The following MICU1 variants were observed in gnomAD, a reference collection of about 807,000 sequenced individuals.
The protein encoded by MICU1 is mitochondrial calcium uptake 1.
Under a neutral mutation model 56.8 loss-of-function variants are expected in MICU1, and 45 were observed. That is an observed-to-expected ratio of 0.79 (90% CI 0.62 to 1.02). The LOEUF is 1.02. Ranked by LOEUF, MICU1 falls within the 50% of genes least tolerant of loss-of-function variation. MICU1 has a pLI of 0.00. For synonymous variants in MICU1, 186 were observed against 195.1 expected (o/e 0.95, Z 0.39); for missense variants, 504 against 587.1 (o/e 0.86, Z 1.46).
At chr10:72,612,884 T>C (rs1397944738) in intron 1 of MICU1, among the ~76,000 whole-genome samples, 3 of 150,776 alleles carry the variant, frequency 2.0e-5, no homozygotes, top group Admixed American at 6.6e-5. Flanking sequence ...CTAAAATGCA[T>C]ACAAATGACA....
At chr10:72,440,812 C>A (rs1822039824) in intron 8 of MICU1, among the ~76,000 whole-genome samples, 1 of 152,224 alleles carries the variant, frequency 6.6e-6, no homozygotes, top group South Asian at 2.1e-4. Flanking sequence ...CTCATCATTA[C>A]TGGTCATCAG....
At chr10:72,510,178 T>C (rs967757020) in intron 5 of MICU1, among the ~76,000 whole-genome samples, 1 of 152,154 alleles carries the variant, frequency 6.6e-6, no homozygotes, top group Non-Finnish European at 1.5e-5. Context: ...AACCTAACAT[T>C]ATTTTTCTAA....
intron 6 of MICU1, among the ~76,000 whole-genome samples, chr10:72,480,068 G>C (rs1866243115): frequency 6.6e-6 from 1 of 152,186 alleles, no homozygotes; most frequent in Non-Finnish European, 1.5e-5. Flanking sequence ...TGAAGAATGA[G>C]TTGGAAAAGA....
intron 1 of MICU1, among the ~76,000 whole-genome samples, chr10:72,602,705 G>C (rs1841572481): frequency 6.6e-6 from 1 of 152,154 alleles, no homozygotes; most frequent in Admixed American, 6.5e-5. Context: ...AAATACCATT[G>C]AACATGCAGC....
chr10:72,512,295 G>C (rs1867495440), intron 5 of MICU1, among the ~76,000 whole-genome samples: 1 of 151,784 alleles, frequency 6.6e-6, no homozygotes, highest in African/African-American at 2.4e-5. Context: ...TATTTTAGTA[G>C]AGATGGGTTT....
intron 11 of MICU1, among the ~76,000 whole-genome samples, chr10:72,372,335 TC>T (rs2132031614): frequency 6.6e-6 from 1 of 152,060 alleles, no homozygotes; most frequent in East Asian, 1.9e-4. Flanking sequence ...ACCACCACAC[TC>T]CTGCCTGGTG....
At chr10:72,415,143 G>A (rs1265023177) in intron 9 of MICU1, among the ~76,000 whole-genome samples, 1 of 150,804 alleles carries the variant, frequency 6.6e-6, no homozygotes, top group African/African-American at 2.4e-5. Context: ...AGCTTCCCAA[G>A]TGGCTGGGAT....
At chr10:72,432,319 G>A (rs936288253) in intron 8 of MICU1, among the ~76,000 whole-genome samples, 9 of 151,918 alleles carry the variant, frequency 5.9e-5, no homozygotes, top group Non-Finnish European at 1.2e-4. Context: ...TTGTAGAGAC[G>A]GGGTTTTCCT....
intron 11 of MICU1, among the ~76,000 whole-genome samples, chr10:72,368,603 G>C (rs1446097015): frequency 6.6e-6 from 1 of 152,192 alleles, no homozygotes; most frequent in Non-Finnish European, 1.5e-5. Flanking sequence ...CTTGTGCCAG[G>C]TGTTTAGAAC....
chr10:72,539,333 T>C (rs542702049), intron 4 of MICU1, among the ~76,000 whole-genome samples: 21 of 152,310 alleles, frequency 1.4e-4, no homozygotes, highest in Non-Finnish European at 2.6e-4. Flanking sequence ...ACAGATCATA[T>C]GTTAGCCCAC....
At chr10:72,447,460 TAAC>T (rs1164642200) in intron 8 of MICU1, among the ~76,000 whole-genome samples, 1 of 152,124 alleles carries the variant, frequency 6.6e-6, no homozygotes, top group Admixed American at 6.6e-5. Context: ...ATGAATGACT[TAAC>T]AAGCCCATAA....
At chr10:72,478,845 G>C (rs1866201589) in intron 6 of MICU1, among the ~76,000 whole-genome samples, 1 of 152,202 alleles carries the variant, frequency 6.6e-6, no homozygotes, top group South Asian at 2.1e-4. Context: ...ATGTCAGCTA[G>C]GCTGGTCTTG....
At chr10:72,549,653 G>T (rs570708786) in intron 4 of MICU1, among the ~76,000 whole-genome samples, 48 of 152,040 alleles carry the variant, frequency 3.2e-4, no homozygotes, top group Non-Finnish European at 5.9e-4. Flanking sequence ...TTTCTTAGCC[G>T]GGTGCAGTGG....
At chr10:72,585,567 T>C (rs963779791) in intron 1 of MICU1, among the ~76,000 whole-genome samples, 6 of 151,366 alleles carry the variant, frequency 4.0e-5, no homozygotes, top group African/African-American at 1.5e-4. Flanking sequence ...TGGTGGCGTG[T>C]GCCTGTAATC....
At chr10:72,547,183 A>G (rs1839916762) in intron 4 of MICU1, among the ~76,000 whole-genome samples, 1 of 151,752 alleles carries the variant, frequency 6.6e-6, no homozygotes, top group Non-Finnish European at 1.5e-5. Flanking sequence ...GTGAGCCACC[A>G]CGCCCGGCCT....
chr10:72,597,597 A>C (rs1462880308), intron 1 of MICU1, among the ~76,000 whole-genome samples: 1 of 152,160 alleles, frequency 6.6e-6, no homozygotes, highest in Non-Finnish European at 1.5e-5. Context: ...CATTAAATTT[A>C]TTGTGTTAAT....
intron 1 of MICU1, among the ~76,000 whole-genome samples, chr10:72,585,841 G>A (rs993765946): frequency 3.3e-5 from 5 of 151,524 alleles, no homozygotes; most frequent in African/African-American, 1.2e-4. Flanking sequence ...TATGTAAAAT[G>A]GTATAATATT....
At chr10:72,539,494 T>C (rs1839715719) in intron 4 of MICU1, among the ~76,000 whole-genome samples, 1 of 152,036 alleles carries the variant, frequency 6.6e-6, no homozygotes, top group Non-Finnish European at 1.5e-5. Context: ...GAATAATGGG[T>C]CAATGAAGAA....
rs567595390 is a variant in MICU1, at chr10:72,572,012, T to TAAA, written c.-1-5221_-1-5219dup. Among the ~76,000 whole-genome samples the TAAA allele has an allele frequency of 5.8e-3, 809 of 138,840 alleles. 6 individuals are homozygous for TAAA. The highest frequency in any genetic ancestry group is 0.02 in the African/African-American group (769 of 38,336). 91.1% of individuals were successfully genotyped at this position (138,840 alleles called of 152,430 possible). On this transcript the variant is annotated intron_variant, in intron 1 of 11. Transcript: ENST00000361114. ...ATAACAACAACACTAGGTACTATGG[T>TAAA]AAAAAAAAAAAAACAAACACTAAGT...
Sources: allele counts gnomAD v4.1 joint callset (sites outside exome capture counted in the v4.1 genomes callset), GRCh38; gene constraint gnomAD v4.1.1; transcripts MANE v1.5; gene names NCBI Gene and HGNC (gene_info 2026-07-23, HGNC 2026-07-21).